KLHL9: variants seen among roughly 807,000 people sequenced by gnomAD.
KLHL9 encodes the protein kelch-like protein 9.
A neutral mutation model predicts 42.3 loss-of-function variants in KLHL9; 27 were observed. The observed-to-expected ratio is 0.64, with a 90% CI of 0.47 to 0.88. KLHL9 has a LOEUF of 0.88. Among genes scored for constraint, KLHL9 ranks in the 40% least tolerant of loss-of-function variants. KLHL9 has a pLI of 0.00. For synonymous variants in KLHL9, 274 were observed against 254.4 expected (o/e 1.08, Z -0.73); for missense variants, 629 against 750.3 (o/e 0.84, Z 1.89).
Position 21,332,912 on chromosome 9 carries a change from A to G in KLHL9, c.*94T>C. The G allele has an allele frequency of 1.9e-6, 3 of 1,558,556 alleles. No individual in the cohort carries two copies. The highest frequency in any genetic ancestry group is 2.6e-6 in the Non-Finnish European group (3 of 1,147,628). On this transcript the variant is annotated 3_prime_UTR_variant, in exon 1 of 1. Transcript: ENST00000359039. ...GACGAATAACATCAGTTACCTTTAT[A>G]TCTAATAACTGTACCAATCACTGTA... is the stretch of plus-strand genomic sequence containing the variant.
At position 21,332,821 on chromosome 9, in the gene KLHL9, CTA is replaced by C. The variant is rs1820197316; in HGVS notation, c.*183_*184del. 8.5e-6 allele frequency: 7 copies of C among 820,710 alleles called. No homozygotes were observed. The South Asian group carries it at 1.3e-4, about 15-fold the overall frequency. 50.8% of individuals were successfully genotyped at this position (820,710 alleles called of 1,614,324 possible). A position where few individuals can be genotyped will look rare whatever the true frequency, so the allele number is the denominator to read the frequency against. On this transcript the variant is annotated 3_prime_UTR_variant, in exon 1 of 1. Transcript: ENST00000359039. ...GTCTTTTTTTCATTTGTTAAAACAG[CTA>C]TGTTAAATACATTTTCAGAATGCAT...
rs765700546 is a variant in KLHL9, at chr9:21,333,158, C to T, written c.1702G>A (p.Asp568Asn). The change falls in exon 1 of 1, where the codon GAC becomes AAC. Residue 568 changes from aspartate to asparagine, a missense_variant. Physicochemically the swap from Asp to Asn is conservative, Grantham distance 23. Coordinates refer to ENST00000359039, the MANE Select transcript of KLHL9 (RefSeq NM_018847.4). This position sits in a 1 kb window ranked among gnomAD's most constrained non-coding sequence, Gnocchi z 7.5. Reference protein sequence around the residue: ...RCMVEIVQKYDPEKDEWHKVF... With the variant: ...RCMVEIVQKYNPEKDEWHKVF... ...TTATGCCACTCATCTTTTTCTGGGT[C>T]ATATTTCTGGACAATTTCTACCATA... The T allele has an allele frequency of 1.1e-5, 17 of 1,613,964 alleles. No homozygotes were observed. In the South Asian group the frequency reaches 1.8e-4, roughly 17 times the overall value.
rs993979430 is a variant in KLHL9, at chr9:21,334,705, A to G, written c.155T>C (p.Val52Ala). The G allele has an allele frequency of 6.2e-7, 1 of 1,613,944 alleles. No individual in the cohort carries two copies. Residue 52 changes from valine (V) to alanine (A), a missense_variant, in exon 1 of 1, where the codon GTG (valine) becomes GCG (alanine). Physicochemically the swap from Val to Ala is moderately conservative, Grantham distance 64 (BLOSUM62 0). This residue lies in a region of KLHL9 where 351 missense variants were observed against 363.1 expected (regional missense o/e 0.97). Coordinates refer to ENST00000359039, the MANE Select transcript of KLHL9 (RefSeq NM_018847.4). This position sits in a 1 kb window ranked among gnomAD's most constrained non-coding sequence, Gnocchi z 5.1. ...QLRIEGLLCD[V>A]TLVPGDGDEI... ...ATCTCCATCACCTGGTACCAGGGTC[A>G]CATCACAAAGCAATCCTTCTATTCT...
In KLHL9 at chr9:21,330,026, C is replaced by A. The variant is rs755890615; in HGVS notation, c.*2980G>T. On this transcript the variant is annotated 3_prime_UTR_variant, in exon 1 of 1. Coordinates refer to ENST00000359039, the MANE Select transcript of KLHL9 (RefSeq NM_018847.4). ...AAATTACCAGCTTATGAAAATAAAT[C>A]TCTTTCCATTTAATCATTTCAACCA... The A allele has an allele frequency of 2.0e-5, 3 of 152,204 alleles. No individual in the cohort carries two copies. Among genetic ancestry groups the A allele is most frequent in the Admixed American group, 6.5e-5 (1 of 15,274 alleles). 9.4% of individuals were successfully genotyped at this position (152,204 alleles called of 1,614,324 possible).
Position 21,333,468 on chromosome 9 carries a change from C to G in KLHL9, c.1392G>C (p.Met464Ile), listed in dbSNP as rs774560249. Reference protein sequence around the residue: ...ITHDTFQNELMCFDPDTDKWM... With the variant: ...ITHDTFQNELICFDPDTDKWM... Reference sequence around the variant, plus strand: ...ATTTATCTGTATCTGGGTCAAAACACATGAGCTCATTTTGGAAAGTGTCAT... The same window carrying G: ...ATTTATCTGTATCTGGGTCAAAACAGATGAGCTCATTTTGGAAAGTGTCAT... Residue 464 changes from methionine to isoleucine, a missense_variant, in exon 1 of 1, where the codon ATG becomes ATC. This residue lies in a region of KLHL9 where 214 missense variants were observed against 305.8 expected (regional missense o/e 0.70). Coordinates refer to ENST00000359039, the MANE Select transcript of KLHL9 (RefSeq NM_018847.4). The surrounding 1 kb of genome is among the most constrained non-coding windows in gnomAD (Gnocchi z 7.5). 2 of 1,614,230 alleles carry G rather than the reference C, an allele frequency of 1.2e-6. No individual in the cohort carries two copies. The highest frequency in any genetic ancestry group is 2.2e-5 in the South Asian group (2 of 91,090).
rs1820140230 is a variant in KLHL9 at position 21,329,844 on chromosome 9, T to C, written c.*3162A>G. 6.6e-6 allele frequency: 1 copy of C among 151,730 alleles called. No individual in the cohort carries two copies. Among genetic ancestry groups the C allele is most frequent in the African/African-American group, 2.4e-5 (1 of 41,358 alleles). The allele number at this position is 151,730 out of a possible 1,614,324, so 9.4% of individuals were successfully genotyped here. The stretch of plus-strand genomic sequence containing the variant: ...CACTGATAAATTAGTTTGCTTTTAT[T>C]TTCCTGTACGTTCTATAATAGACAT... On this transcript the variant is annotated 3_prime_UTR_variant, in exon 1 of 1. Transcript: ENST00000359039.
rs902279523 is a variant in KLHL9, at chr9:21,330,083, T to C, written c.*2923A>G. On this transcript the variant is annotated 3_prime_UTR_variant, in exon 1 of 1. Transcript: ENST00000359039. The stretch of plus-strand genomic sequence containing the variant: ...ATTTCTCTCTATAAGAAACTCCAGG[T>C]TTAATGAGCAGTACAGATTGAATAT... 1 of 152,150 alleles carries C rather than the reference T, an allele frequency of 6.6e-6. No individual in the cohort carries two copies. Among genetic ancestry groups the C allele is most frequent in the African/African-American group, 2.4e-5 (1 of 41,438 alleles). 9.4% of individuals were successfully genotyped at this position (152,150 alleles called of 1,614,324 possible).
In KLHL9 at chr9:21,334,371, G is replaced by A; in HGVS notation, c.489C>T (p.Thr163=). ...ATTTATCCACTTCTATAAGATTGTA[G>A]GTGTTAGCAATTCGTCCAACCTCAA... ...NCVEVGRIAN[T]YNLIEVDKYV... is the part of the protein sequence containing the mutation. The change falls in exon 1 of 1, where the codon ACC becomes ACT. Residue 163 remains threonine (T), a synonymous_variant. Coordinates refer to ENST00000359039, the MANE Select transcript of KLHL9 (RefSeq NM_018847.4). This position sits in a 1 kb window ranked among gnomAD's most constrained non-coding sequence, Gnocchi z 5.1. The A allele has an allele frequency of 1.2e-6, 2 of 1,613,652 alleles. No individual in the cohort carries two copies. The highest frequency in any genetic ancestry group is 1.7e-6 in the Non-Finnish European group (2 of 1,179,766).
In KLHL9 at chr9:21,334,177, G is replaced by A. The variant is rs556369862; in HGVS notation, c.683C>T (p.Pro228Leu). 2.1e-5 allele frequency: 34 copies of A among 1,614,188 alleles called. No individual in the cohort carries two copies. In the African/African-American group the frequency reaches 4.3e-4, roughly 20 times the overall value. The change falls in exon 1 of 1, where the codon CCT becomes CTT. Residue 228 changes from proline (P) to leucine (L), a missense_variant. By Grantham distance (98) the Pro-to-Leu change is moderately conservative. Transcript: ENST00000359039. The surrounding 1 kb of genome is among the most constrained non-coding windows in gnomAD (Gnocchi z 5.1). Reference sequence around the variant, plus strand: ...TAACTTTGCAGCATAATCCATCCGAGGGTCTTCCAACCTTAGCCAGCGACA... The same window carrying A: ...TAACTTTGCAGCATAATCCATCCGAAGGTCTTCCAACCTTAGCCAGCGACA... ...AACRWLRLEDPRMDYAAKLMK... is the reference protein window; with the variant it reads ...AACRWLRLEDLRMDYAAKLMK...
At position 21,334,595 on chromosome 9, in the gene KLHL9, C is replaced by T. The variant is rs200040272; in HGVS notation, c.265G>A (p.Asp89Asn). ...CCATGAAGCTTAATGCACATCAAAT[C>T]TTGTTCTTTCATTCCACCTGTGAAC... ...AMFTGGMKEQDLMCIKLHGVN... is the reference protein window; with the variant it reads ...AMFTGGMKEQNLMCIKLHGVN... Residue 89 changes from aspartate to asparagine, a missense_variant, in exon 1 of 1, where the codon GAT becomes AAT. Asp to Asn is a conservative substitution (Grantham distance 23). Around this residue, in one of 4 missense-constraint regions of KLHL9, gnomAD observed 351 missense variants for 363.1 expected, o/e 0.97. Transcript: ENST00000359039. This position sits in a 1 kb window ranked among gnomAD's most constrained non-coding sequence, Gnocchi z 5.1. The T allele has an allele frequency of 4.4e-5, 71 of 1,614,064 alleles. 1 individual carries two copies. Among genetic ancestry groups the T allele is most frequent in the Non-Finnish European group, 5.8e-5 (68 of 1,180,030 alleles).
chr9:21,331,409 T>C lies in KLHL9; in HGVS notation c.*1597A>G, dbSNP rs1343719322. The C allele has an allele frequency of 6.6e-6, 1 of 152,550 alleles. No homozygotes were observed. Among genetic ancestry groups the C allele is most frequent in the Admixed American group, 6.5e-5 (1 of 15,278 alleles). The allele number at this position is 152,550 out of a possible 1,614,324, so 9.4% of individuals were successfully genotyped here. A position where few individuals can be genotyped will look rare whatever the true frequency, so the allele number is the denominator to read the frequency against. On this transcript the variant is annotated 3_prime_UTR_variant, in exon 1 of 1. Transcript: ENST00000359039. ...CCCTAGAAGCCAATTCATTTTGCCTTGGTTCCTGAGTTTTATTATGGGATT... is the reference window on the plus strand; with the variant it reads ...CCCTAGAAGCCAATTCATTTTGCCTCGGTTCCTGAGTTTTATTATGGGATT...
At position 21,331,533 on chromosome 9, in the gene KLHL9, A is replaced by C. The variant is rs1439954479; in HGVS notation, c.*1473T>G. The C allele has an allele frequency of 4.6e-5, 7 of 151,620 alleles. No homozygotes were observed. The East Asian group carries it at 1.4e-3, about 29-fold the overall frequency. 9.4% of individuals were successfully genotyped at this position (151,620 alleles called of 1,614,324 possible). On this transcript the variant is annotated 3_prime_UTR_variant, in exon 1 of 1. Transcript: ENST00000359039. The stretch of plus-strand genomic sequence containing the variant: ...TACACACACACACAATGTATATATA[A>C]ATTTTTTTTCTTCAGGTAGACAATT...
rs563263983 is a variant in KLHL9, at chr9:21,329,817, A to T, written c.*3189T>A. 8.6e-5 allele frequency: 13 copies of T among 151,420 alleles called. No individual in the cohort carries two copies. The East Asian group carries it at 2.3e-3, about 27-fold the overall frequency. The allele number at this position is 151,420 out of a possible 1,614,324, so 9.4% of individuals were successfully genotyped here. On this transcript the variant is annotated 3_prime_UTR_variant, in exon 1 of 1. Coordinates refer to ENST00000359039, the MANE Select transcript of KLHL9 (RefSeq NM_018847.4). ...ATAGAAATTATCTTCAACATGTGGA[A>T]TCACTGATAAATTAGTTTGCTTTTA...
rs748166792 is a variant in KLHL9 at position 21,332,008 on chromosome 9, C to G, written c.*998G>C. The G allele has an allele frequency of 6.6e-6, 1 of 152,294 alleles. No individual in the cohort carries two copies. The highest frequency in any genetic ancestry group is 1.5e-5 in the Non-Finnish European group (1 of 67,992). 9.4% of individuals were successfully genotyped at this position (152,294 alleles called of 1,614,324 possible). On this transcript the variant is annotated 3_prime_UTR_variant, in exon 1 of 1. Transcript: ENST00000359039. ...TTTGTTCAGAATATTTTTTTCTTTG[C>G]TTTTTTCATTAAGTTTTACTGACCA...
In KLHL9 at chr9:21,330,494, G is replaced by C. The variant is rs777037794; in HGVS notation, c.*2512C>G. 6.6e-6 allele frequency: 1 copy of C among 152,174 alleles called. No homozygotes were observed. 9.4% of individuals were successfully genotyped at this position (152,174 alleles called of 1,614,324 possible). Reference sequence around the variant, plus strand: ...AAGAGAACTGTCAACTGCAGAATACGGGAAAGTAAAAAAATGAGAGGCAGG... The same window carrying C: ...AAGAGAACTGTCAACTGCAGAATACCGGAAAGTAAAAAAATGAGAGGCAGG... On this transcript the variant is annotated 3_prime_UTR_variant, in exon 1 of 1. Coordinates refer to ENST00000359039, the MANE Select transcript of KLHL9 (RefSeq NM_018847.4).
chr9:21,334,108 A>C lies in KLHL9; in HGVS notation c.752T>G (p.Ile251Ser). ...RFPLMTPQDLINYVQTVDFMR... is the reference protein window; with the variant it reads ...RFPLMTPQDLSNYVQTVDFMR... Reference sequence around the variant, plus strand: ...GAAATCTACTGTCTGCACGTAATTGATGAGATCCTGTGGTGTCATCAGTGG... The same window carrying C: ...GAAATCTACTGTCTGCACGTAATTGCTGAGATCCTGTGGTGTCATCAGTGG... Residue 251 changes from isoleucine (I) to serine (S), a missense_variant, in exon 1 of 1, where the codon ATC (isoleucine) becomes AGC (serine). Physicochemically the swap from Ile to Ser is moderately radical, Grantham distance 142. Transcript: ENST00000359039. This position sits in a 1 kb window ranked among gnomAD's most constrained non-coding sequence, Gnocchi z 5.1. 1 of 1,614,234 alleles carries C rather than the reference A, an allele frequency of 6.2e-7. No homozygotes were observed. Among genetic ancestry groups the C allele is most frequent in the African/African-American group, 1.3e-5 (1 of 75,058 alleles).
At position 21,333,868 on chromosome 9, in the gene KLHL9, G is replaced by A. The variant is rs76705600; in HGVS notation, c.992C>T (p.Ala331Val). 4.1e-4 allele frequency: 668 copies of A among 1,613,832 alleles called. 5 individuals carry two copies. The African/African-American group carries it at 8.5e-3, about 21-fold the overall frequency. The change falls in exon 1 of 1, where the codon GCC becomes GTC. Residue 331 changes from alanine to valine, a missense_variant. Ala to Val is a moderately conservative substitution (Grantham distance 64, BLOSUM62 0). Around this residue, in one of 4 missense-constraint regions of KLHL9, gnomAD observed 214 missense variants for 305.8 expected, o/e 0.70. Coordinates refer to ENST00000359039, the MANE Select transcript of KLHL9 (RefSeq NM_018847.4). This position sits in a 1 kb window ranked among gnomAD's most constrained non-coding sequence, Gnocchi z 7.5. ...DERAQEWRSLAPMDAPRYQHG... is the reference protein window; with the variant it reads ...DERAQEWRSLVPMDAPRYQHG... Reference sequence around the variant, plus strand: ...CTGGTAACGGGGAGCATCCATTGGGGCTAAAGATCTCCATTCTTGTGCCCT... The same window carrying A: ...CTGGTAACGGGGAGCATCCATTGGGACTAAAGATCTCCATTCTTGTGCCCT...
In KLHL9 at chr9:21,332,862, G is replaced by T; in HGVS notation, c.*144C>A. 1 of 1,265,510 alleles carries T rather than the reference G, an allele frequency of 7.9e-7. No homozygotes were observed. The highest frequency in any genetic ancestry group is 1.1e-6 in the Non-Finnish European group (1 of 937,044). 78.4% of individuals were successfully genotyped at this position (1,265,510 alleles called of 1,614,324 possible). ...TTCAGAATGCATTTGTTAGCCACTTGATAAACATACTAAAAGCCATACAAG... is the reference window on the plus strand; with the variant it reads ...TTCAGAATGCATTTGTTAGCCACTTTATAAACATACTAAAAGCCATACAAG... On this transcript the variant is annotated 3_prime_UTR_variant, in exon 1 of 1. Transcript: ENST00000359039.
In KLHL9 at chr9:21,330,936, CA is replaced by C. The variant is rs1024045621; in HGVS notation, c.*2069del. On this transcript the variant is annotated 3_prime_UTR_variant, in exon 1 of 1. Coordinates refer to ENST00000359039, the MANE Select transcript of KLHL9 (RefSeq NM_018847.4). ...ACCCTGTCTCAAAAAAAAAAAAAGA[CA>C]AATTTGATCTCAAAAATTAACTGAA... The C allele has an allele frequency of 6.6e-6, 1 of 150,976 alleles. No individual in the cohort carries two copies. The highest frequency in any genetic ancestry group is 1.5e-5 in the Non-Finnish European group (1 of 67,678). The allele number at this position is 150,976 out of a possible 1,614,324, so 9.4% of individuals were successfully genotyped here. A position where few individuals can be genotyped will look rare whatever the true frequency, so the allele number is the denominator to read the frequency against.
Sources: gnomAD v4.1 joint callset for allele counts on GRCh38, gnomAD v4.1.1 for gene constraint, gnomAD v4.1.1 regional missense constraint, Gnocchi (gnomAD v3.1) non-coding constraint, MANE v1.5 for transcripts, NCBI Gene and HGNC (gene_info 2026-07-23, HGNC 2026-07-21) for gene names.